The following USP44 variants were observed in gnomAD, a reference collection of about 807,000 sequenced individuals.
USP44 encodes the protein ubiquitin specific peptidase 44, also known as ubiquitin carboxyl-terminal hydrolase 44.
USP44 carries 61 observed loss-of-function variants against 69.0 expected under a neutral mutation model. That is an observed-to-expected ratio of 0.88 (90% CI 0.72 to 1.09). The LOEUF (loss-of-function observed/expected upper bound fraction) is 1.09, where lower values mean the gene tolerates loss of function less well. Ranked by LOEUF, USP44 falls within the 50% of genes least tolerant of loss-of-function variation. The probability of loss-of-function intolerance (pLI) is 0.00; values close to 1 mark genes in which losing one functional copy is unlikely to be tolerated. For synonymous variants in USP44, 297 were observed against 295.4 expected (o/e 1.01, Z -0.06); for missense variants, 753 against 849.9 (o/e 0.89, Z 1.42).
At chr12:95,536,546 C>T (rs553705806) in intron 1 of USP44, among the ~76,000 whole-genome samples, 8 of 152,098 alleles carry the variant, frequency 5.3e-5, no homozygotes, top group Non-Finnish European at 1.2e-4. Context: ...ACCTTAGAGT[C>T]ATCCTTGACT....
rs1049964519 is a variant in USP44, at chr12:95,548,231, C to A, written c.-71+3041G>T. 6.6e-6 allele frequency: 1 copy of A among 152,260 alleles called. No individual in the cohort carries two copies. Among genetic ancestry groups the A allele is most frequent in the Non-Finnish European group, 1.5e-5 (1 of 68,082 alleles). 9.4% of individuals were successfully genotyped at this position (152,260 alleles called of 1,614,324 possible). A position where few individuals can be genotyped will look rare whatever the true frequency, so the allele number is the denominator to read the frequency against. On this transcript the variant is annotated intron_variant, in intron 1 of 5. Transcript: ENST00000258499. The surrounding 1 kb of genome is among the most constrained non-coding windows in gnomAD (Gnocchi z 4.1). The stretch of plus-strand genomic sequence containing the variant: ...CTCAACCGAGTGCCACAACCGCCCT[C>A]CCGAAGTGCCCCGGGGCTTCGAGCA...
intron 1 of USP44, among the ~76,000 whole-genome samples, chr12:95,544,626 C>A (rs1351496610): frequency 6.6e-6 from 1 of 151,570 alleles, no homozygotes; most frequent in African/African-American, 2.4e-5. Context: ...AATAAACACA[C>A]AAAAAAGTCA....
chr12:95,526,576 A>C (rs1361648968), intron 3 of USP44, among the ~76,000 whole-genome samples: 4 of 152,260 alleles, frequency 2.6e-5, no homozygotes, highest in East Asian at 1.9e-4. Flanking sequence ...TGTCTCAAAA[A>C]AACAACAAAA....
At chr12:95,535,649 A>G (rs1191604658) in intron 1 of USP44, among the ~76,000 whole-genome samples, 1 of 152,220 alleles carries the variant, frequency 6.6e-6, no homozygotes, top group Admixed American at 6.5e-5. Context: ...TATCAGTTAA[A>G]GTCAGGAACA....
At chr12:95,547,937 T>A (rs1228448653) in intron 1 of USP44, 1 of 152,188 alleles carries the variant, frequency 6.6e-6, no homozygotes, top group African/African-American at 2.4e-5. Flanking sequence ...ACAGTTACTA[T>A]ATAGTTCACT....
rs1194855434 is a variant in USP44 at position 95,533,616 on chromosome 12, A to G, written c.641T>C (p.Leu214Ser). 1.2e-6 allele frequency: 2 copies of G among 1,613,692 alleles called. No individual in the cohort carries two copies. The highest frequency in any genetic ancestry group is 2.7e-5 in the African/African-American group (2 of 74,928). Residue 214 changes from leucine to serine, a missense_variant, in exon 2 of 6, where the codon TTA becomes TCA. By Grantham distance (145) the Leu-to-Ser change is moderately radical. Coordinates refer to ENST00000258499, the MANE Select transcript of USP44 (RefSeq NM_032147.5). Reference protein sequence around the residue: ...ELESMPPRKSLRLQGLAQSTI... With the variant: ...ELESMPPRKSSRLQGLAQSTI... ...CGACTGAGCGAGCCCTTGTAAACGT[A>G]AACTCTTTCTTGGAGGCATACTTTC...
chr12:95,536,922 C>CA (rs1173563297), intron 1 of USP44, among the ~76,000 whole-genome samples: 1 of 152,170 alleles, frequency 6.6e-6, no homozygotes, highest in East Asian at 1.9e-4. Context: ...ACCTGGGACT[C>CA]AGAGAATTAC....
intron 2 of USP44, among the ~76,000 whole-genome samples, chr12:95,530,961 G>C (rs752229215): frequency 2.0e-5 from 3 of 152,088 alleles, no homozygotes; most frequent in Admixed American, 6.6e-5. Flanking sequence ...TCAGGAGATC[G>C]AGACCATCCT....
chr12:95,517,904 CATAAAA>C lies in USP44; in HGVS notation c.*244_*249del, dbSNP rs566413554. 1,509 of 323,076 alleles carry C rather than the reference CATAAAA, an allele frequency of 4.7e-3. 10 individuals are homozygous for C. The highest frequency in any genetic ancestry group is 8.5e-3 in the Middle Eastern group (9 of 1,062). 20.0% of individuals were successfully genotyped at this position (323,076 alleles called of 1,614,324 possible). On this transcript the variant is annotated 3_prime_UTR_variant, in exon 6 of 6. Coordinates refer to ENST00000258499, the MANE Select transcript of USP44 (RefSeq NM_032147.5). ...AGTTCATCATCCGAGCCAATTAAGA[CATAAAA>C]ATATAAAAGAGGTAACATCAGTCTG... is the stretch of plus-strand genomic sequence containing the variant.
intron 1 of USP44, among the ~76,000 whole-genome samples, chr12:95,537,400 C>G (rs771791289): frequency 1.6e-4 from 25 of 152,232 alleles, no homozygotes; most frequent in Non-Finnish European, 2.8e-4. Flanking sequence ...CTCACTGCAA[C>G]CTCCACCTCC....
chr12:95,516,985 T>TAA lies in USP44; in HGVS notation c.*1167_*1168dup, dbSNP rs2076490643. The TAA allele has an allele frequency of 6.6e-6, 1 of 151,842 alleles. No homozygotes were observed. The highest frequency in any genetic ancestry group is 1.5e-5 in the Non-Finnish European group (1 of 67,998). The allele number at this position is 151,842 out of a possible 1,614,324, so 9.4% of individuals were successfully genotyped here. ...TTGATTCTACCCTCTCCAAATAAGATAAAGTTAGCAGCAACAGGACTTTAA... is the reference window on the plus strand; with the variant it reads ...TTGATTCTACCCTCTCCAAATAAGATAAAAAGTTAGCAGCAACAGGACTTTAA... On this transcript the variant is annotated 3_prime_UTR_variant, in exon 6 of 6. Transcript: ENST00000258499.
At chr12:95,539,126 G>A (rs1369990887) in intron 1 of USP44, among the ~76,000 whole-genome samples, 1 of 152,044 alleles carries the variant, frequency 6.6e-6, no homozygotes, top group Non-Finnish European at 1.5e-5. Flanking sequence ...TAATTCTCAT[G>A]CATTTAAAAA....
intron 2 of USP44, among the ~76,000 whole-genome samples, chr12:95,529,341 T>C (rs142403973): frequency 1.3e-5 from 2 of 152,064 alleles, no homozygotes; most frequent in African/African-American, 2.4e-5. Flanking sequence ...TATGTATACA[T>C]AGATATATAC....
In USP44 at chr12:95,533,737, T is replaced by G. The variant is rs201086614; in HGVS notation, c.520A>C (p.Lys174Gln). ...TCCTGAAATGGTTCTTCTTGCTTTTTTCTTCCAATGGGTGATTGTTCAAAC... is the reference window on the plus strand; with the variant it reads ...TCCTGAAATGGTTCTTCTTGCTTTTGTCTTCCAATGGGTGATTGTTCAAAC... ...TWFEQSPIGR[K>Q]KQEEPFQEKI... is the part of the protein sequence containing the mutation. Residue 174 changes from lysine (K) to glutamine (Q), a missense_variant, in exon 2 of 6, where the codon AAA becomes CAA. Coordinates refer to ENST00000258499, the MANE Select transcript of USP44 (RefSeq NM_032147.5). 1 of 1,614,212 alleles carries G rather than the reference T, an allele frequency of 6.2e-7. No homozygotes were observed. Among genetic ancestry groups the G allele is most frequent in the African/African-American group, 1.3e-5 (1 of 75,066 alleles).
At chr12:95,520,919 T>C in intron 5 of USP44, 78 bp downstream of exon 5, 1 of 1,341,574 alleles carries the variant, frequency 7.5e-7, no homozygotes, top group Non-Finnish European at 1.1e-6. Context: ...GATTTAGTAG[T>C]CAATTTAGAA....
At chr12:95,524,656 T>G (rs1000638949) in intron 4 of USP44, 24 bp downstream of exon 4, 18 of 1,546,204 alleles carry the variant, frequency 1.2e-5, no homozygotes, top group Non-Finnish European at 1.5e-5. Flanking sequence ...GAATGATAAC[T>G]TTGCAACTGG....
At chr12:95,547,150 A>C (rs1245097595) in intron 1 of USP44, among the ~76,000 whole-genome samples, 2 of 152,252 alleles carry the variant, frequency 1.3e-5, no homozygotes, top group Admixed American at 6.5e-5. Flanking sequence ...TAAGCTAAAA[A>C]ATCTCAAACA....
chr12:95,527,529 G>C (rs1032701646), intron 3 of USP44, among the ~76,000 whole-genome samples: 1 of 152,108 alleles, frequency 6.6e-6, no homozygotes, highest in Admixed American at 6.6e-5. Context: ...CTGTCATCCA[G>C]GAAGGAGTGC....
At chr12:95,550,825 G>A (rs1285278101) in intron 1 of USP44, among the ~76,000 whole-genome samples, 1 of 152,102 alleles carries the variant, frequency 6.6e-6, no homozygotes, top group Non-Finnish European at 1.5e-5. Flanking sequence ...AGGCATAGGT[G>A]GAGAGTGCTG....
Sources: gnomAD v4.1 joint callset for allele counts (sites outside exome capture counted in the v4.1 genomes callset) on GRCh38, gnomAD v4.1.1 for gene constraint, Gnocchi (gnomAD v3.1) non-coding constraint, MANE v1.5 for transcripts, NCBI Gene and HGNC (gene_info 2026-07-23, HGNC 2026-07-21) for gene names.